The following NFATC2IP variants were observed in gnomAD, a reference collection of about 807,000 sequenced individuals.
NFATC2IP encodes the protein NFATC2-interacting protein.
A neutral mutation model predicts 40.2 loss-of-function variants in NFATC2IP; 25 were observed. The ratio of observed to expected loss-of-function variants is 0.62; its 90% CI spans 0.45 to 0.87. NFATC2IP has a LOEUF of 0.87. NFATC2IP is among the 40% of genes least tolerant of loss of function. The pLI is 0.00. For missense variants in NFATC2IP, 553 were observed against 555.6 expected (o/e 1.00, Z 0.05); for synonymous variants, 241 against 236.3 (o/e 1.02, Z -0.18).
rs1473052008 is a variant in NFATC2IP, at chr16:28,966,602, A to G, written c.*2739A>G. 2 of 150,016 alleles carry G rather than the reference A, an allele frequency of 1.3e-5. No homozygotes were observed. The highest frequency in any genetic ancestry group is 6.6e-5 in the Admixed American group (1 of 15,050). The allele number at this position is 150,016 out of a possible 1,614,324, so 9.3% of individuals were successfully genotyped here. A position where few individuals can be genotyped will look rare whatever the true frequency, so the allele number is the denominator to read the frequency against. ...ACTGAAAATACAAAAAAAAAAAAAA[A>G]AAAAAATGAGCTAGGTGTGGTGGCA... is the stretch of plus-strand genomic sequence containing the variant. On this transcript the variant is annotated 3_prime_UTR_variant, in exon 8 of 8. Transcript: ENST00000320805.
rs1965020201 is a variant in NFATC2IP, at chr16:28,956,263, C to T, written c.772C>T (p.Leu258Phe). 2.5e-6 allele frequency: 4 copies of T among 1,613,956 alleles called. No individual in the cohort carries two copies. Among genetic ancestry groups the T allele is most frequent in the Non-Finnish European group, 3.4e-6 (4 of 1,179,986 alleles). Residue 258 changes from leucine (L) to phenylalanine (F), a missense_variant, in exon 5 of 8, where the codon CTC (leucine) becomes TTC (phenylalanine). Transcript: ENST00000320805. ...DEVVLVEGPTLPETPRLFPLK... is the reference protein window; with the variant it reads ...DEVVLVEGPTFPETPRLFPLK... ...AGTGGTCTTGGTGGAAGGGCCCACC[C>T]TCCCAGAGACCCCCCGACTCTTCCC...
rs779192711 is a variant in NFATC2IP at position 28,954,604 on chromosome 16, G to T, written c.500G>T (p.Gly167Val). The change falls in exon 3 of 8, where the codon GGC (glycine) becomes GTC (valine). Residue 167 changes from glycine (G) to valine (V), a missense_variant. By Grantham distance (109) the Gly-to-Val change is moderately radical. Transcript: ENST00000320805. ...LADSSGLYHE[G>V]SPSPGSPWKT... ...GATTCGAGTGGTCTCTACCATGAGGGCTCCCCATCACCAGGCTCTCCCTGG... is the reference window on the plus strand; with the variant it reads ...GATTCGAGTGGTCTCTACCATGAGGTCTCCCCATCACCAGGCTCTCCCTGG... The T allele has an allele frequency of 8.7e-6, 14 of 1,613,904 alleles. No homozygotes were observed. The South Asian group carries it at 1.4e-4, about 16-fold the overall frequency.
At position 28,955,969 on chromosome 16, in the gene NFATC2IP, C is replaced by T. The variant is rs778122873; in HGVS notation, c.579-9C>T. 4 of 1,610,312 alleles carry T rather than the reference C, an allele frequency of 2.5e-6. No homozygotes were observed. The South Asian group carries it at 4.4e-5, about 18-fold the overall frequency. On this transcript the variant is annotated splice_polypyrimidine_tract_variant and intron_variant, in intron 3 of 7. Coordinates refer to ENST00000320805, the MANE Select transcript of NFATC2IP (RefSeq NM_032815.4). ...ATTGCCTCCGTCCTGCTGTCTCTTG[C>T]TTCTACAGGGATCTGGACAACTCTC...
chr16:28,957,791 AT>A (rs1194879848), intron 5 of NFATC2IP: 3 of 152,150 alleles, frequency 2.0e-5, no homozygotes, highest in Non-Finnish European at 4.4e-5. Flanking sequence ...TGCTTTAAAA[AT>A]ATACGAGTTT....
chr16:28,957,490 A>C (rs1965034790), intron 5 of NFATC2IP: 2 of 151,866 alleles, frequency 1.3e-5, no homozygotes, highest in Admixed American at 6.6e-5. Flanking sequence ...TAAAAATAAA[A>C]AAATTAACCA....
At chr16:28,952,390 T>TCTA in intron 2 of NFATC2IP, 186 bp downstream of exon 2, 7 of 917,972 alleles carry the variant, frequency 7.6e-6, no homozygotes, top group Middle Eastern at 2.9e-4. Context: ...ATGTATACAT[T>TCTA]TCTGGTGCCA....
intron 5 of NFATC2IP, chr16:28,956,554 T>C (rs1402307517): frequency 3.6e-6 from 2 of 561,112 alleles, no homozygotes; most frequent in East Asian, 5.9e-5. Flanking sequence ...GCAAACTTTC[T>C]ACCCATTCTT....
intron 2 of NFATC2IP, among the ~76,000 whole-genome samples, chr16:28,952,936 A>G (rs1964983433): frequency 6.6e-6 from 1 of 151,922 alleles, no homozygotes; most frequent in Non-Finnish European, 1.5e-5. Context: ...GGGTTTCACC[A>G]TGTTGGCCTG....
In NFATC2IP at chr16:28,951,006, T is replaced by G. The variant is rs1358816023; in HGVS notation, c.-6T>G. On this transcript the variant is annotated 5_prime_UTR_variant, in exon 1 of 8. Transcript: ENST00000320805. ...GGCGGGCGTGTGTTGTGGAGGAAAG[T>G]GTGCCATGGCGGAGCCTGTGGGGAA... 2 of 1,497,372 alleles carry G rather than the reference T, an allele frequency of 1.3e-6. No homozygotes were observed. Among genetic ancestry groups the G allele is most frequent in the African/African-American group, 1.4e-5 (1 of 69,838 alleles). 92.8% of individuals were successfully genotyped at this position (1,497,372 alleles called of 1,614,324 possible). A position where few individuals can be genotyped will look rare whatever the true frequency, so the allele number is the denominator to read the frequency against.
At chr16:28,956,951 AG>A (rs1567513224) in intron 5 of NFATC2IP, 1 of 152,230 alleles carries the variant, frequency 6.6e-6, no homozygotes, top group African/African-American at 2.4e-5. Flanking sequence ...ACTAAGGCAG[AG>A]GCTGCAAACT....
intron 7 of NFATC2IP, among the ~76,000 whole-genome samples, chr16:28,961,360 C>T (rs1965085041): frequency 6.8e-6 from 1 of 146,742 alleles, no homozygotes; most frequent in South Asian, 2.2e-4. Context: ...AAAAATTATT[C>T]CAGCCCTGAT....
chr16:28,954,408 C>T (rs1038622215), intron 2 of NFATC2IP, among the ~76,000 whole-genome samples, 157 bp from the exon 3 acceptor site: 1 of 152,098 alleles, frequency 6.6e-6, no homozygotes, highest in Non-Finnish European at 1.5e-5. Context: ...ATCCCCTGCC[C>T]CCTTTCCCAA....
At position 28,953,219 on chromosome 16, in the gene NFATC2IP, C is replaced by T. The variant is rs139306431; in HGVS notation, c.460+1015C>T. 2.9e-3 allele frequency among the ~76,000 whole-genome samples: 440 copies of T among 151,548 alleles called. 3 individuals carry two copies. Among genetic ancestry groups the T allele is most frequent in the African/African-American group, 0.01 (429 of 41,308 alleles). On this transcript the variant is annotated intron_variant, in intron 2 of 7. Transcript: ENST00000320805. ...CCTCCCGAGTAGCAGGGATTACAGG[C>T]GCCCGCCACCATGTCTGGCTTTTTT... is the stretch of plus-strand genomic sequence containing the variant.
In NFATC2IP at chr16:28,956,154, G is replaced by A. The variant is rs539138524; in HGVS notation, c.663G>A (p.Glu221=). ...CAGAGTCCTGTCTGCACTGCAGTGA[G>A]GTGAACAAGCGCCTCCAGGATCTCC... is the stretch of plus-strand genomic sequence containing the variant. ...THTRALKKLS[E]VNKRLQDLRS... Residue 221 remains glutamate (E), a synonymous_variant, in exon 5 of 8, where the codon GAG becomes GAA. Transcript: ENST00000320805. The A allele has an allele frequency of 4.3e-6, 7 of 1,614,076 alleles. No individual in the cohort carries two copies. The South Asian group carries it at 7.7e-5, about 18-fold the overall frequency.
At position 28,955,986 on chromosome 16, in the gene NFATC2IP, A is replaced by C. The variant is rs770810642; in HGVS notation, c.587A>C (p.Asp196Ala). 6.2e-7 allele frequency: 1 copy of C among 1,613,798 alleles called. No individual in the cohort carries two copies. Among genetic ancestry groups the C allele is most frequent in the Non-Finnish European group, 8.5e-7 (1 of 1,179,744 alleles). The change falls in exon 4 of 8, where the codon GAC (aspartate) becomes GCC (alanine). Residue 196 changes from aspartate (D) to alanine (A), a missense_variant. Physicochemically the swap from Asp to Ala is moderately radical, Grantham distance 126. Transcript: ENST00000320805. ...EKKKTEFLDL[D>A]NSPLSPPSPR... The stretch of plus-strand genomic sequence containing the variant: ...GTCTCTTGCTTCTACAGGGATCTGG[A>C]CAACTCTCCTCTGTCCCCACCTTCA...
chr16:28,959,844 A>T (rs781760850), intron 7 of NFATC2IP, among the ~76,000 whole-genome samples: 9 of 152,202 alleles, frequency 5.9e-5, no homozygotes, highest in Non-Finnish European at 8.8e-5. Context: ...TTGGGATTAC[A>T]GGTGTGAGCC....
At position 28,958,823 on chromosome 16, in the gene NFATC2IP, C is replaced by G. The variant is rs1181810460; in HGVS notation, c.953C>G (p.Thr318Ser). 6.2e-7 allele frequency: 1 copy of G among 1,614,144 alleles called. No homozygotes were observed. The highest frequency in any genetic ancestry group is 1.1e-5 in the South Asian group (1 of 91,084). Reference protein sequence around the residue: ...FGETELSPTATPRTLKLGVAD... With the variant: ...FGETELSPTASPRTLKLGVAD... ...GAGACAGAGCTATCACCTACTGCCACTCCCAGGACCCTAAAGCTCGGAGTG... is the reference window on the plus strand; with the variant it reads ...GAGACAGAGCTATCACCTACTGCCAGTCCCAGGACCCTAAAGCTCGGAGTG... The change falls in exon 6 of 8, where the codon ACT becomes AGT. Residue 318 changes from threonine (T) to serine (S), a missense_variant. Physicochemically the swap from Thr to Ser is moderately conservative, Grantham distance 58. Coordinates refer to ENST00000320805, the MANE Select transcript of NFATC2IP (RefSeq NM_032815.4).
intron 5 of NFATC2IP, chr16:28,956,947 G>A (rs539434560): frequency 5.9e-5 from 9 of 152,276 alleles, no homozygotes; most frequent in African/African-American, 2.2e-4. Flanking sequence ...AGCAACTAAG[G>A]CAGAGGCTGC....
chr16:28,957,661 G>A (rs1242416501), intron 5 of NFATC2IP: 1 of 151,328 alleles, frequency 6.6e-6, no homozygotes, highest in African/African-American at 2.4e-5. Flanking sequence ...AAAAAAAAAT[G>A]GAGATGGGAT....
Sources: gnomAD v4.1 joint callset for allele counts (sites outside exome capture counted in the v4.1 genomes callset) on GRCh38, gnomAD v4.1.1 for gene constraint, MANE v1.5 for transcripts, NCBI Gene and HGNC (gene_info 2026-07-23, HGNC 2026-07-21) for gene names.